HSPA12A: variants seen among roughly 807,000 people sequenced by gnomAD.
HSPA12A encodes heat shock protein family A (Hsp70) member 12A, also known as heat shock 70 kDa protein 12A.
A neutral mutation model predicts 69.2 loss-of-function variants in HSPA12A; 28 were observed. The ratio of observed to expected loss-of-function variants is 0.40; its 90% CI spans 0.30 to 0.55. The LOEUF (loss-of-function observed/expected upper bound fraction) is 0.55. Among genes scored for constraint, HSPA12A ranks in the 20% least tolerant of loss-of-function variants. The pLI is 0.38. For missense variants in HSPA12A, 686 were observed against 900.7 expected (o/e 0.76, Z 3.05); for synonymous variants, 345 against 370.5 (o/e 0.93, Z 0.79).
intron 2 of HSPA12A, among the ~76,000 whole-genome samples, chr10:116,825,163 G>C (rs897977957): frequency 2.6e-5 from 4 of 150,952 alleles, no homozygotes; most frequent in Non-Finnish European, 4.4e-5. Flanking sequence ...CTCTAGTCTG[G>C]GTGGCAGGGT....
chr10:116,693,561 C>T (rs1187311418), intron 5 of HSPA12A, among the ~76,000 whole-genome samples: 1 of 152,166 alleles, frequency 6.6e-6, no homozygotes, highest in Non-Finnish European at 1.5e-5. Flanking sequence ...GTAATCAAAC[C>T]GAAACACACA....
intron 2 of HSPA12A, among the ~76,000 whole-genome samples, chr10:116,818,984 C>T (rs1845360046): frequency 6.6e-6 from 1 of 152,114 alleles, no homozygotes; most frequent in Non-Finnish European, 1.5e-5. Flanking sequence ...CACTCTCTCT[C>T]GCTGGATTCC....
intron 2 of HSPA12A, among the ~76,000 whole-genome samples, chr10:116,798,153 A>G (rs1332260219): frequency 8.3e-6 from 1 of 120,736 alleles, no homozygotes; most frequent in East Asian, 2.9e-4. Context: ...ACTTCCCTCA[A>G]TGTGGACGGT....
At chr10:116,749,550 T>C (rs1851726630) in intron 2 of HSPA12A, among the ~76,000 whole-genome samples, 1 of 152,232 alleles carries the variant, frequency 6.6e-6, no homozygotes, top group African/African-American at 2.4e-5. Flanking sequence ...TTCATCTGTG[T>C]GCAGCAATGT....
chr10:116,749,953 A>T (rs974519118), intron 2 of HSPA12A: 1 of 187,638 alleles, frequency 5.3e-6, no homozygotes, highest in Non-Finnish European at 1.1e-5. Context: ...AGAGATACAA[A>T]GTGAAATTTA....
intron 2 of HSPA12A, among the ~76,000 whole-genome samples, chr10:116,803,702 G>A (rs1845008762): frequency 6.6e-6 from 1 of 152,208 alleles, no homozygotes; most frequent in Non-Finnish European, 1.5e-5. Context: ...TTTCTCTTCT[G>A]AATGAGGCAC....
At chr10:116,752,586 TACC>T (rs1851798063) in intron 2 of HSPA12A, among the ~76,000 whole-genome samples, 6 of 152,196 alleles carry the variant, frequency 3.9e-5, no homozygotes, top group Admixed American at 3.9e-4. Flanking sequence ...CTTCAACCAG[TACC>T]CTCATGTATG....
At chr10:116,816,552 C>T (rs1008885186) in intron 2 of HSPA12A, among the ~76,000 whole-genome samples, 29 of 152,346 alleles carry the variant, frequency 1.9e-4, no homozygotes, top group African/African-American at 7.0e-4. Flanking sequence ...GGCTCACGCA[C>T]CTGACTTCCT....
At chr10:116,725,406 G>A (rs1371040276) in intron 1 of HSPA12A, among the ~76,000 whole-genome samples, 1 of 152,168 alleles carries the variant, frequency 6.6e-6, no homozygotes, top group African/African-American at 2.4e-5. Flanking sequence ...TCCCAGTGTT[G>A]TTCAGTCGCC....
intron 2 of HSPA12A, among the ~76,000 whole-genome samples, chr10:116,754,292 G>A (rs1843780991): frequency 6.6e-6 from 1 of 152,156 alleles, no homozygotes; most frequent in African/African-American, 2.4e-5. Context: ...GATGGAAAGT[G>A]CTAAGATCTG....
At chr10:116,802,376 A>C (rs1330040226) in intron 2 of HSPA12A, among the ~76,000 whole-genome samples, 1 of 152,200 alleles carries the variant, frequency 6.6e-6, no homozygotes, top group African/African-American at 2.4e-5. Context: ...ATCTGCGTGC[A>C]TATGTCTAGG....
rs566714194 is a variant in HSPA12A, at chr10:116,819,722, T to C, written c.91+15213A>G. Among the ~76,000 whole-genome samples the C allele has an allele frequency of 8.8e-4, 134 of 152,348 alleles. 2 individuals carry two copies. In the South Asian group the frequency reaches 0.027, roughly 30 times the overall value. On this transcript the variant is annotated intron_variant, in intron 2 of 12. Coordinates refer to the HSPA12A transcript ENST00000635765. ...AGGTGGGTAAGACTGATTCAGAGAA[T>C]GATGGCAACGTGGGAAAATCGTTAT...
At chr10:116,849,729 C>G (rs760862191) in exon 1 of HSPA12A, 41 of 1,518,114 alleles carry the variant, frequency 2.7e-5, no homozygotes, top group South Asian at 1.3e-4. Flanking sequence ...CTACGGGCAC[C>G]TGGTAGGGAC....
At position 116,723,610 on chromosome 10, in the gene HSPA12A, C is replaced by G. The variant is rs565632187; in HGVS notation, c.41-16325G>C. 6.6e-6 allele frequency among the ~76,000 whole-genome samples: 1 copy of G among 152,188 alleles called. No individual in the cohort carries two copies. Among genetic ancestry groups the G allele is most frequent in the African/African-American group, 2.4e-5 (1 of 41,432 alleles). On this transcript the variant is annotated intron_variant, in intron 1 of 11. Transcript: ENST00000369209. This position sits in a 1 kb window ranked among gnomAD's most constrained non-coding sequence, Gnocchi z 4.1. ...GTGACCCATAAGGAAACTCCAGCAC[C>G]GAGCTGGGTGAGGTTAGGTGCTCAG...
intron 1 of HSPA12A, 79 bp downstream of exon 1, chr10:116,742,351 T>C: frequency 7.5e-7 from 1 of 1,340,738 alleles, no homozygotes; most frequent in Non-Finnish European, 9.7e-7. Flanking sequence ...CGCGAGGGGG[T>C]GCGGAGCGTT....
At chr10:116,826,380 AATAAGT>A (rs1845505672) in intron 2 of HSPA12A, among the ~76,000 whole-genome samples, 1 of 152,198 alleles carries the variant, frequency 6.6e-6, no homozygotes, top group South Asian at 2.1e-4. Context: ...AGAGGTGCTT[AATAAGT>A]ATTTCTTGAA....
At chr10:116,726,055 A>ACG (rs1554884972) in intron 1 of HSPA12A, among the ~76,000 whole-genome samples, 4 of 143,310 alleles carry the variant, frequency 2.8e-5, no homozygotes, top group African/African-American at 1.2e-4. Context: ...ACACACACAC[A>ACG]ACAGGCCAAG....
intron 2 of HSPA12A, among the ~76,000 whole-genome samples, chr10:116,772,512 T>C (rs1404935599): frequency 6.6e-6 from 1 of 152,146 alleles, no homozygotes; most frequent in Non-Finnish European, 1.5e-5. Context: ...CTTTTGCAGA[T>C]GCTGAAACTG....
chr10:116,782,424 G>T (rs1016335524), intron 2 of HSPA12A, among the ~76,000 whole-genome samples: 1 of 152,168 alleles, frequency 6.6e-6, no homozygotes, highest in Non-Finnish European at 1.5e-5. Flanking sequence ...AGCGCTTTTT[G>T]TAACAACCAA....
Sources: allele counts gnomAD v4.1 joint callset (sites outside exome capture counted in the v4.1 genomes callset), GRCh38; gene constraint gnomAD v4.1.1; non-coding constraint Gnocchi (gnomAD v3.1); transcripts MANE v1.5; gene names NCBI Gene and HGNC (gene_info 2026-07-23, HGNC 2026-07-21).